ZNF626: variants seen among roughly 807,000 people sequenced by gnomAD.
The protein encoded by ZNF626 is CTC-513N18.7.
In ZNF626, 4 loss-of-function variants were observed where a neutral mutation model predicts 11.7. The observed-to-expected ratio is 0.34, with a 90% CI of 0.17 to 0.78. The LOEUF (loss-of-function observed/expected upper bound fraction) is 0.78. Ranked by LOEUF, ZNF626 falls within the 30% of genes least tolerant of loss-of-function variation. ZNF626 has a pLI of 0.57. For synonymous variants in ZNF626, 179 were observed against 198.6 expected, an observed-to-expected ratio of 0.90 and a Z score of 0.83; for missense variants, 588 against 587.1, an observed-to-expected ratio of 1.00 and a Z score of -0.01.
At position 20,625,472 on chromosome 19, in the gene ZNF626, T is replaced by C. The variant is rs781864076; in HGVS notation, c.405A>G (p.Gln135=). The change falls in exon 4 of 4, where the codon CAA becomes CAG. Residue 135 remains glutamine, a synonymous_variant. Coordinates refer to ENST00000601440, the MANE Select transcript of ZNF626 (RefSeq NM_001076675.3). ...TTTTTCTTGGGGTAGTTGTCAAACA[T>C]TGGTTAAGTTCATTATAACCTTCTT... ...VHKEGYNELN[Q]CLTTTPRKIC... The C allele has an allele frequency of 5.6e-6, 9 of 1,614,100 alleles. No homozygotes were observed. In the Admixed American group the frequency reaches 1.5e-4, roughly 27 times the overall value.
chr19:20,643,217 T>A (rs1555771639), intron 3 of ZNF626, among the ~76,000 whole-genome samples: 1 of 152,074 alleles, frequency 6.6e-6, no homozygotes, highest in East Asian at 1.9e-4. Context: ...ATGTTTTAAA[T>A]ATATGCTATT....
intron 1 of ZNF626, among the ~76,000 whole-genome samples, chr19:20,658,509 A>G (rs1402944591): frequency 2.6e-5 from 4 of 152,108 alleles, no homozygotes; most frequent in African/African-American, 9.7e-5. Context: ...CTGTCATCAG[A>G]ACTCTTTCCT....
rs536488098 is a variant in ZNF626, at chr19:20,654,222, C to T, written c.3+7222G>A. 5.9e-5 allele frequency among the ~76,000 whole-genome samples: 9 copies of T among 151,938 alleles called. No individual in the cohort carries two copies. In the South Asian group the frequency reaches 1.5e-3, roughly 25 times the overall value. ...TTGGGAGGCCGAGGCAGGTGAATCA[C>T]GAGGTCAGGAGTTCAAAACCAGCCT... On this transcript the variant is annotated intron_variant, in intron 1 of 3. Transcript: ENST00000601440.
At chr19:20,650,616 A>G (rs548895328) in intron 1 of ZNF626, among the ~76,000 whole-genome samples, 14 of 152,328 alleles carry the variant, frequency 9.2e-5, no homozygotes, top group African/African-American at 3.4e-4. Context: ...TCAGACGTAA[A>G]TAAGGCCTCC....
intron 3 of ZNF626, among the ~76,000 whole-genome samples, chr19:20,631,008 T>C (rs1969898372): frequency 6.6e-6 from 1 of 152,162 alleles, no homozygotes; most frequent in Admixed American, 6.5e-5. Flanking sequence ...AACATCTTTA[T>C]TTCTGCCTTC....
intron 1 of ZNF626, among the ~76,000 whole-genome samples, chr19:20,659,090 T>G (rs1970236198): frequency 6.6e-6 from 1 of 152,204 alleles, no homozygotes; most frequent in Non-Finnish European, 1.5e-5. Context: ...TTTTGTGTGC[T>G]CCAGGAACAG....
At chr19:20,646,878 G>A (rs1032954123) in intron 1 of ZNF626, among the ~76,000 whole-genome samples, 19 of 151,648 alleles carry the variant, frequency 1.3e-4, no homozygotes, top group Admixed American at 2.0e-4. Context: ...ATGGAGTTTC[G>A]CTCTTGTTGC....
In ZNF626 at chr19:20,645,677, C is replaced by T. The variant is rs781920876; in HGVS notation, c.226+7G>A. ...CATCTGTTGTATTCATTTTCACTCA[C>T]ACCTACCTGAGGGTTTGGCTATCAT... is the stretch of plus-strand genomic sequence containing the variant. On this transcript the variant is annotated splice_region_variant and intron_variant, in intron 3 of 3. Transcript: ENST00000601440. 2 of 1,607,664 alleles carry T rather than the reference C, an allele frequency of 1.2e-6. No individual in the cohort carries two copies. The highest frequency in any genetic ancestry group is 8.5e-7 in the Non-Finnish European group (1 of 1,178,564).
chr19:20,633,963 AGAG>A (rs1969938792), intron 3 of ZNF626, among the ~76,000 whole-genome samples: 1 of 152,152 alleles, frequency 6.6e-6, no homozygotes, highest in Non-Finnish European at 1.5e-5. Flanking sequence ...TATCAAAACA[AGAG>A]GAGAAGGGGT....
intron 1 of ZNF626, among the ~76,000 whole-genome samples, chr19:20,649,225 A>G (rs1239482259): frequency 6.6e-6 from 1 of 152,176 alleles, no homozygotes; most frequent in South Asian, 2.1e-4. Context: ...CCACATGTTT[A>G]CCTGCTAGCA....
rs189294741 is a variant in ZNF626, at chr19:20,626,922, G to A, written c.227-1272C>T. Among the ~76,000 whole-genome samples the A allele has an allele frequency of 5.6e-4, 85 of 152,146 alleles. 1 individual carries two copies. The East Asian group carries it at 0.012, about 21-fold the overall frequency. ...CCCAGCTACTTGGGAGACAGAGGCCGGAGAATTGCTTGAACTCGGGAGGCA... is the reference window on the plus strand; with the variant it reads ...CCCAGCTACTTGGGAGACAGAGGCCAGAGAATTGCTTGAACTCGGGAGGCA... On this transcript the variant is annotated intron_variant, in intron 3 of 3. Transcript: ENST00000601440.
chr19:20,637,938 A>C (rs920906311), intron 3 of ZNF626, among the ~76,000 whole-genome samples: 20 of 152,304 alleles, frequency 1.3e-4, no homozygotes, highest in African/African-American at 4.6e-4. Context: ...CCAGGAGTTC[A>C]AGACCAGCCT....
intron 1 of ZNF626, among the ~76,000 whole-genome samples, chr19:20,652,581 T>C (rs782556575): frequency 9.8e-5 from 15 of 152,336 alleles, no homozygotes; most frequent in South Asian, 4.1e-4. Flanking sequence ...AATGTAGCAT[T>C]ATTAGTTTAA....
chr19:20,648,702 T>C (rs1307056676), intron 1 of ZNF626, among the ~76,000 whole-genome samples: 4 of 152,188 alleles, frequency 2.6e-5, no homozygotes, highest in Admixed American at 6.5e-5. Context: ...CTCTTCTGCA[T>C]AGAGCTAATG....
chr19:20,638,034 G>C (rs10420114), intron 3 of ZNF626, among the ~76,000 whole-genome samples: 67,920 of 151,750 alleles, frequency 0.45, 16,445 homozygotes, highest in African/African-American at 0.63. Flanking sequence ...CCAGCTACTT[G>C]AGAGGCTAAA....
Position 20,633,757 on chromosome 19 carries a change from G to A in ZNF626, c.227-8107C>T, listed in dbSNP as rs1282194517. On this transcript the variant is annotated intron_variant, in intron 3 of 3. Coordinates refer to ENST00000601440, the MANE Select transcript of ZNF626 (RefSeq NM_001076675.3). ...CACTTCCTGGGTGAGGCGATGCCTCGCCCTGCTTTGGCTCGTGCACAGTGC... is the reference window on the plus strand; with the variant it reads ...CACTTCCTGGGTGAGGCGATGCCTCACCCTGCTTTGGCTCGTGCACAGTGC... Among the ~76,000 whole-genome samples the A allele has an allele frequency of 4.6e-5, 7 of 152,148 alleles. No homozygotes were observed. In the South Asian group the frequency reaches 8.3e-4, roughly 18 times the overall value.
In ZNF626 at chr19:20,646,291, G is replaced by C; in HGVS notation, c.118C>G (p.Leu40Val). 1.2e-6 allele frequency: 2 copies of C among 1,613,908 alleles called. No individual in the cohort carries two copies. Among genetic ancestry groups the C allele is most frequent in the Non-Finnish European group, 1.7e-6 (2 of 1,179,894 alleles). The part of the protein sequence containing the change: ...RNVMLENYSN[L>V]VFLGITVSKP... ...AAGTTATCCTCACCAAGGAAGACCAGGTTACTGTAGTTCTCTAACATCACA... is the reference window on the plus strand; with the variant it reads ...AAGTTATCCTCACCAAGGAAGACCACGTTACTGTAGTTCTCTAACATCACA... Residue 40 changes from leucine to valine, a missense_variant, in exon 2 of 4, where the codon CTG becomes GTG. Leu to Val is a conservative substitution (Grantham distance 32). Around this residue, in one of 4 missense-constraint regions of ZNF626, gnomAD observed 524 missense variants for 470.1 expected, o/e 1.11. Coordinates refer to ENST00000601440, the MANE Select transcript of ZNF626 (RefSeq NM_001076675.3).
At chr19:20,630,576 T>C (rs1319119059) in intron 3 of ZNF626, among the ~76,000 whole-genome samples, 2 of 152,174 alleles carry the variant, frequency 1.3e-5, no homozygotes, top group Admixed American at 6.5e-5. Context: ...TAGAGGTGTT[T>C]ATAGTATTCT....
intron 3 of ZNF626, among the ~76,000 whole-genome samples, chr19:20,633,449 G>A (rs992555407): frequency 3.4e-4 from 52 of 152,194 alleles, no homozygotes; most frequent in African/African-American, 1.1e-3. Flanking sequence ...TGAGCTTCCC[G>A]GCTGCTTTGT....
Sources: allele counts gnomAD v4.1 joint callset (sites outside exome capture counted in the v4.1 genomes callset), GRCh38; gene constraint gnomAD v4.1.1; regional missense constraint gnomAD v4.1.1; transcripts MANE v1.5; gene names NCBI Gene and HGNC (gene_info 2026-07-23, HGNC 2026-07-21).